CDH11: variants seen among roughly 807,000 people sequenced by gnomAD.
CDH11 encodes cadherin 11.
Under a neutral mutation model 67.8 loss-of-function variants are expected in CDH11, and 11 were observed. The observed-to-expected ratio is 0.16, with a 90% CI of 0.10 to 0.27. The LOEUF (loss-of-function observed/expected upper bound fraction) is 0.27. Among genes scored for constraint, CDH11 ranks in the 10% least tolerant of loss-of-function variants. The pLI, the probability that CDH11 is intolerant of heterozygous loss-of-function variation, is 1.00. For missense variants in CDH11, 847 were observed against 1,031.2 expected (o/e 0.82, Z 2.45); for synonymous variants, 419 against 400.0 (o/e 1.05, Z -0.57).
chr16:64,945,571 A>T lies in CDH11; in HGVS notation c.*2032T>A. 1 of 1,030,128 alleles carries T rather than the reference A, an allele frequency of 9.7e-7. No individual in the cohort carries two copies. The highest frequency in any genetic ancestry group is 1.2e-6 in the Non-Finnish European group (1 of 856,566). 63.8% of individuals were successfully genotyped at this position (1,030,128 alleles called of 1,614,324 possible). On this transcript the variant is annotated 3_prime_UTR_variant, in exon 13 of 13. Coordinates refer to ENST00000268603, the MANE Select transcript of CDH11 (RefSeq NM_001797.4). ...GCAAATCTAGCAAAATATTCTTTGG[A>T]TTACAAAAACTATATAAAAAAATGA...
At chr16:65,114,913 C>T (rs2075216811) in intron 1 of CDH11, among the ~76,000 whole-genome samples, 1 of 152,112 alleles carries the variant, frequency 6.6e-6, no homozygotes, top group Non-Finnish European at 1.5e-5. Flanking sequence ...ACTTTTTCAG[C>T]CACAGTCTAT....
chr16:65,104,768 T>C (rs1309508017), intron 1 of CDH11, among the ~76,000 whole-genome samples: 1 of 152,198 alleles, frequency 6.6e-6, no homozygotes, highest in Non-Finnish European at 1.5e-5. Flanking sequence ...ATTGCTGTTG[T>C]GAAGGCATAG....
At chr16:65,062,136 T>C (rs1215310045) in intron 1 of CDH11, among the ~76,000 whole-genome samples, 1 of 152,170 alleles carries the variant, frequency 6.6e-6, no homozygotes, top group Non-Finnish European at 1.5e-5. Flanking sequence ...AAGGACTGCA[T>C]CACTTTACCA....
At chr16:64,961,139 T>C (rs1252578459) in intron 11 of CDH11, among the ~76,000 whole-genome samples, 2 of 152,232 alleles carry the variant, frequency 1.3e-5, no homozygotes, top group Non-Finnish European at 1.5e-5. Context: ...GAAGAGGCTA[T>C]CATAGGGAAT....
Position 65,005,377 on chromosome 16 carries a change from G to A in CDH11, c.-172-336C>T, listed in dbSNP as rs1477514194. On this transcript the variant is annotated intron_variant, in intron 2 of 12. Transcript: ENST00000268603. Reference sequence around the variant, plus strand: ...AATAAGAAAACGGGGAATTAAAGGAGTCCAGATGAGGAACATATAATCCAC... The same window carrying A: ...AATAAGAAAACGGGGAATTAAAGGAATCCAGATGAGGAACATATAATCCAC... Among the ~76,000 whole-genome samples, 3 of 152,194 alleles carry A rather than the reference G, an allele frequency of 2.0e-5. No individual in the cohort carries two copies. The East Asian group carries it at 5.8e-4, about 29-fold the overall frequency.
chr16:65,072,942 C>T (rs1020187045), intron 1 of CDH11, among the ~76,000 whole-genome samples: 9 of 152,190 alleles, frequency 5.9e-5, no homozygotes, highest in Non-Finnish European at 1.2e-4. Flanking sequence ...TCATGCAATG[C>T]ACTCAGCACA....
chr16:65,100,834 A>G (rs1478527561), intron 1 of CDH11, among the ~76,000 whole-genome samples: 2 of 152,186 alleles, frequency 1.3e-5, no homozygotes, highest in Admixed American at 1.3e-4. Context: ...ATCCCCCACC[A>G]GAATGGCAAT....
chr16:65,088,122 C>T (rs1238738971), intron 1 of CDH11, among the ~76,000 whole-genome samples: 3 of 152,142 alleles, frequency 2.0e-5, no homozygotes, highest in Non-Finnish European at 4.4e-5. Flanking sequence ...AGCGTCCTTA[C>T]AAACGAAGCT....
chr16:65,115,590 G>T (rs1304966630), intron 1 of CDH11, among the ~76,000 whole-genome samples: 2 of 150,570 alleles, frequency 1.3e-5, no homozygotes, highest in East Asian at 2.0e-4. Context: ...TTATTATTAG[G>T]TCTATCATTA....
At chr16:64,948,905 C>T (rs2071272468) in intron 12 of CDH11, 1 of 725,724 alleles carries the variant, frequency 1.4e-6, no homozygotes, top group African/African-American at 1.8e-5. Flanking sequence ...CTCTCCCATA[C>T]ACCCAGCAAG....
chr16:65,002,924 T>C (rs1441172729), intron 3 of CDH11, among the ~76,000 whole-genome samples: 1 of 151,334 alleles, frequency 6.6e-6, no homozygotes, highest in Non-Finnish European at 1.5e-5. Flanking sequence ...TTCATTTTCT[T>C]TTTTTCTTTT....
intron 3 of CDH11, among the ~76,000 whole-genome samples, chr16:64,999,455 G>A (rs2072860185): frequency 1.3e-5 from 2 of 152,168 alleles, no homozygotes; most frequent in Admixed American, 1.3e-4. Context: ...AAATTCAGGT[G>A]ACTATTCCAC....
At chr16:65,051,632 G>A (rs2074057699) in intron 2 of CDH11, among the ~76,000 whole-genome samples, 1 of 152,156 alleles carries the variant, frequency 6.6e-6, no homozygotes, top group Non-Finnish European at 1.5e-5. Context: ...GGAGGAACCT[G>A]TAATCCCCAA....
intron 2 of CDH11, among the ~76,000 whole-genome samples, chr16:65,025,360 A>C (rs1850966): frequency 0.38 from 58,424 of 151,974 alleles, 11,607 homozygotes; most frequent in Middle Eastern, 0.48. Context: ...TTTATGAGAC[A>C]GAGTCTCGCT....
chr16:65,086,397 T>C (rs1419466285), intron 1 of CDH11, among the ~76,000 whole-genome samples: 1 of 152,150 alleles, frequency 6.6e-6, no homozygotes, highest in Non-Finnish European at 1.5e-5. Context: ...GAAAATGCAT[T>C]CTTAACATAT....
In CDH11 at chr16:64,980,281, C is replaced by A. The variant is rs2072298251; in HGVS notation, c.1253+1767G>T. Among the ~76,000 whole-genome samples the A allele has an allele frequency of 2.0e-5, 3 of 151,932 alleles. No individual in the cohort carries two copies. The South Asian group carries it at 6.2e-4, about 31-fold the overall frequency. ...AAAAAAAGAGAGTGAGACAGAAAAG[C>A]AAATGGCAGCCAGATTTGGCCTATG... On this transcript the variant is annotated intron_variant, in intron 8 of 12. Coordinates refer to ENST00000268603, the MANE Select transcript of CDH11 (RefSeq NM_001797.4).
chr16:65,042,674 C>T (rs1322994812), intron 2 of CDH11, among the ~76,000 whole-genome samples: 2 of 152,030 alleles, frequency 1.3e-5, no homozygotes, highest in Admixed American at 6.6e-5. Flanking sequence ...GCAAGAAAAC[C>T]CCCACTTCAC....
chr16:65,121,225 T>A lies in CDH11; in HGVS notation c.-298+655A>T, dbSNP rs1015330426. 1.3e-5 allele frequency among the ~76,000 whole-genome samples: 2 copies of A among 152,194 alleles called. No individual in the cohort carries two copies. The highest frequency in any genetic ancestry group is 2.9e-5 in the Non-Finnish European group (2 of 68,034). On this transcript the variant is annotated intron_variant, in intron 1 of 12. Transcript: ENST00000268603. This position sits in a 1 kb window ranked among gnomAD's most constrained non-coding sequence, Gnocchi z 4.1. ...CCAGAGCTCCCGCAGAGACTCGGGC[T>A]GGAGGGCTGTAGCGCACCGCAGCCT...
intron 1 of CDH11, among the ~76,000 whole-genome samples, chr16:65,110,229 A>G (rs1597207557): frequency 6.6e-6 from 1 of 152,206 alleles, no homozygotes; most frequent in Non-Finnish European, 1.5e-5. Context: ...CTGACTCTCA[A>G]CATTCTATAT....
Sources: gnomAD v4.1 joint callset for allele counts (sites outside exome capture counted in the v4.1 genomes callset) on GRCh38, gnomAD v4.1.1 for gene constraint, Gnocchi (gnomAD v3.1) non-coding constraint, MANE v1.5 for transcripts, NCBI Gene and HGNC (gene_info 2026-07-23, HGNC 2026-07-21) for gene names.